Variants in HTT observed in about 807,000 individuals in gnomAD.
HTT encodes the protein huntingtin.
Under a neutral mutation model 362.3 loss-of-function variants are expected in HTT, and 104 were observed. The observed-to-expected ratio is 0.29, with a 90% CI of 0.24 to 0.34. The LOEUF (loss-of-function observed/expected upper bound fraction) is 0.34, where lower values mean the gene tolerates loss of function less well. Among genes scored for constraint, HTT ranks in the 10% least tolerant of loss-of-function variants. The pLI, the probability that HTT is intolerant of heterozygous loss-of-function variation, is 1.00. For missense variants in HTT, 3,301 were observed against 3,928.6 expected, an observed-to-expected ratio of 0.84 and a Z score of 4.27; for synonymous variants, 1,577 against 1,548.7, an observed-to-expected ratio of 1.02 and a Z score of -0.43.
rs189473776 is a variant in HTT at position 3,166,052 on chromosome 4, C to G, written c.3864+5660C>G. 1.8e-3 allele frequency among the ~76,000 whole-genome samples: 278 copies of G among 152,316 alleles called. 1 individual carries two copies. Among genetic ancestry groups the G allele is most frequent in the African/African-American group, 6.4e-3 (268 of 41,566 alleles). On this transcript the variant is annotated intron_variant, in intron 29 of 66. Transcript: ENST00000355072. ...TTTCTCCCCATCATTGTGGTTTTAT[C>G]TACCTTTGGTCTTTGATGTTGGTGA...
intron 49 of HTT, 145 bp from the exon 50 acceptor site, chr4:3,213,813 T>C (rs1473425183): frequency 3.4e-6 from 2 of 596,068 alleles, no homozygotes; most frequent in Non-Finnish European, 5.6e-6. Flanking sequence ...AATGGAGCCA[T>C]GTCAGAGCTG....
At chr4:3,186,520 A>G (rs1034950854) in intron 37 of HTT, 77 bp from the exon 38 acceptor site, 11 of 1,521,842 alleles carry the variant, frequency 7.2e-6, no homozygotes, top group East Asian at 2.3e-5. Flanking sequence ...TTTGCCCTTG[A>G]GTTACATAGC....
chr4:3,232,778 C>T (rs71608258), intron 60 of HTT, among the ~76,000 whole-genome samples: 5,202 of 152,340 alleles, frequency 0.034, 141 homozygotes, highest in Non-Finnish European at 0.046. Flanking sequence ...GCCGTGACAG[C>T]GCGTGTGCAG....
chr4:3,210,609 T>TC (rs1553919734), intron 47 of HTT, among the ~76,000 whole-genome samples: 1 of 151,672 alleles, frequency 6.6e-6, no homozygotes, highest in East Asian at 1.9e-4. Context: ...CTGTGAGCAG[T>TC]GGGGGGGCCA....
At chr4:3,238,308 G>T in intron 64 of HTT, 139 bp from the exon 65 acceptor site, 1 of 591,926 alleles carries the variant, frequency 1.7e-6, no homozygotes, top group Non-Finnish European at 2.8e-6. Flanking sequence ...CACTTGGAAA[G>T]TCCCTCACGG....
At chr4:3,224,506 G>T in intron 56 of HTT, among the ~76,000 whole-genome samples, 1 of 152,166 alleles carries the variant, frequency 6.6e-6, no homozygotes. Flanking sequence ...TGGCTGCAGG[G>T]CAGGGCACAG....
rs1369740564 is a variant in HTT, at chr4:3,242,881, G to A, written c.*2822G>A. ...TCCCTTCCGCTGCGGGCCCAGCTGA[G>A]TCTATGTAGGTGATGTTTCCAGCTG... On this transcript the variant is annotated 3_prime_UTR_variant, in exon 67 of 67. Transcript: ENST00000355072. 1 of 152,178 alleles carries A rather than the reference G, an allele frequency of 6.6e-6. No homozygotes were observed. The highest frequency in any genetic ancestry group is 2.4e-5 in the African/African-American group (1 of 41,428). 9.4% of individuals were successfully genotyped at this position (152,178 alleles called of 1,614,324 possible). A position where few individuals can be genotyped will look rare whatever the true frequency, so the allele number is the denominator to read the frequency against.
Position 3,115,430 on chromosome 4 carries a change from C to T in HTT, c.874C>T (p.Leu292=), listed in dbSNP as rs1313438041. The T allele has an allele frequency of 1.2e-6, 2 of 1,613,426 alleles. No individual in the cohort carries two copies. The highest frequency in any genetic ancestry group is 1.3e-5 in the African/African-American group (1 of 74,932). ...RRTQYFYSWL[L]NVLLGLLVPV... is the part of the protein sequence containing the mutation. ...GACACAATATTTCTATAGTTGGCTA[C>T]TAAATGTGCTCTTAGGTAAGGTGGA... The change falls in exon 7 of 67, where the codon CTA becomes TTA. Residue 292 remains leucine (L), a synonymous_variant. Transcript: ENST00000355072.
chr4:3,223,768 G>A (rs1173843318), intron 55 of HTT, among the ~76,000 whole-genome samples: 1 of 152,220 alleles, frequency 6.6e-6, no homozygotes, highest in Non-Finnish European at 1.5e-5. Context: ...AACTGACGTG[G>A]GGTTATTGAG....
intron 51 of HTT, among the ~76,000 whole-genome samples, chr4:3,216,356 T>C (rs945241018): frequency 1.3e-5 from 2 of 152,190 alleles, no homozygotes; most frequent in African/African-American, 4.8e-5. Context: ...AACACCCACC[T>C]CCCTACTCTG....
chr4:3,094,730 C>T (rs1157445693), intron 2 of HTT, among the ~76,000 whole-genome samples: 6 of 124,446 alleles, frequency 4.8e-5, no homozygotes, highest in South Asian at 2.4e-4. Flanking sequence ...ACCTCCCGGA[C>T]GGAGCGGCTG....
intron 51 of HTT, 63 bp downstream of exon 51, chr4:3,215,274 A>T: frequency 1.6e-6 from 2 of 1,255,388 alleles, no homozygotes. Context: ...AATCATTCAC[A>T]GAGACGTGCA....
At chr4:3,080,974 C>T (rs2110135953) in intron 1 of HTT, among the ~76,000 whole-genome samples, 2 of 152,310 alleles carry the variant, frequency 1.3e-5, no homozygotes, top group Admixed American at 1.3e-4. Context: ...CAGTACCATA[C>T]AGTCTTGATT....
intron 29 of HTT, among the ~76,000 whole-genome samples, chr4:3,168,642 T>C (rs751214926): frequency 3.3e-5 from 5 of 152,198 alleles, no homozygotes; most frequent in Non-Finnish European, 7.3e-5. Flanking sequence ...TTCATGTAAC[T>C]CCTTACTGTT....
chr4:3,082,873 G>T (rs1473857081), intron 1 of HTT, among the ~76,000 whole-genome samples: 1 of 152,136 alleles, frequency 6.6e-6, no homozygotes, highest in East Asian at 1.9e-4. Flanking sequence ...TCGCTTAGAT[G>T]AACTGGAAGG....
intron 40 of HTT, among the ~76,000 whole-genome samples, chr4:3,196,776 C>T (rs562661589): frequency 8.5e-5 from 13 of 152,092 alleles, no homozygotes; most frequent in African/African-American, 1.2e-4. Context: ...TTCACCGTAG[C>T]GAAACATGTA....
Position 3,208,866 on chromosome 4 carries a change from G to A in HTT, c.6246G>A (p.Leu2082=). 1 of 1,614,074 alleles carries A rather than the reference G, an allele frequency of 6.2e-7. No individual in the cohort carries two copies. Among genetic ancestry groups the A allele is most frequent in the South Asian group, 1.1e-5 (1 of 91,068 alleles). ...SPSPPVSSHP[L]DGDGHVSLET... is the part of the protein sequence containing the mutation. ...CTCCTCCAGTCTCTTCCCACCCGCT[G>A]GACGGGGATGGGCACGTGTCACTGG... Residue 2082 remains leucine (L), a synonymous_variant, in exon 46 of 67, where the codon CTG becomes CTA. Coordinates refer to ENST00000355072, the MANE Select transcript of HTT (RefSeq NM_001388492.1).
chr4:3,105,060 C>T (rs182753510), intron 4 of HTT, among the ~76,000 whole-genome samples: 214 of 152,202 alleles, frequency 1.4e-3, no homozygotes, highest in Middle Eastern at 6.8e-3. Context: ...GGGATTTCAT[C>T]GTTATTCAGT....
rs553755455 is a variant in HTT, at chr4:3,122,595, T to G, written c.1274-294T>G. On this transcript the variant is annotated intron_variant, in intron 9 of 66. Transcript: ENST00000355072. ...TCGCTAATGAAAAGTTATACTTGAC[T>G]GTTAGTCAGCTAAATAATCTGAGAT... 7.9e-5 allele frequency among the ~76,000 whole-genome samples: 12 copies of G among 152,364 alleles called. No individual in the cohort carries two copies. The East Asian group carries it at 2.3e-3, about 29-fold the overall frequency.
Sources: gnomAD v4.1 joint callset for allele counts (sites outside exome capture counted in the v4.1 genomes callset) on GRCh38, gnomAD v4.1.1 for gene constraint, MANE v1.5 for transcripts, NCBI Gene and HGNC (gene_info 2026-07-23, HGNC 2026-07-21) for gene names.